IFT56: variants seen among roughly 807,000 people sequenced by gnomAD.
The protein encoded by IFT56 is intraflagellar transport 56, also known as intraflagellar transport protein 56.
chr7:139,133,852 G>C, the IFT56 span: 4 of 1,614,228 alleles, frequency 2.5e-6, no homozygotes, highest in Middle Eastern at 3.3e-4. Flanking sequence ...CAAGACCGAC[G>C]TCAAGATGGT....
At chr7:139,175,068 G>T in the IFT56 span, among the ~76,000 whole-genome samples, 1 of 151,896 alleles carries the variant, frequency 6.6e-6, no homozygotes, top group Non-Finnish European at 1.5e-5. Context: ...AATGACAAAT[G>T]GGTATATGAA....
At chr7:139,172,453 A>G in the IFT56 span, 1 of 386,588 alleles carries the variant, frequency 2.6e-6, no homozygotes, top group South Asian at 2.1e-5. Context: ...ATAGTTGTTC[A>G]TCTGGAACCC....
chr7:139,153,072 C>G, the IFT56 span, among the ~76,000 whole-genome samples: 4 of 151,704 alleles, frequency 2.6e-5, no homozygotes, highest in Non-Finnish European at 4.4e-5. Flanking sequence ...TCGCTTGAAC[C>G]CGGGAGGCGG....
At chr7:139,164,500 A>G in the IFT56 span, among the ~76,000 whole-genome samples, 6 of 152,350 alleles carry the variant, frequency 3.9e-5, no homozygotes, top group East Asian at 1.2e-3. Context: ...TCTCATAGTT[A>G]TAATTTTATT....
the IFT56 span, among the ~76,000 whole-genome samples, chr7:139,166,107 G>A: frequency 1.3e-5 from 2 of 152,004 alleles, no homozygotes; most frequent in African/African-American, 2.4e-5. Flanking sequence ...ACAGGCATGC[G>A]CCACCATGCC....
the IFT56 span, among the ~76,000 whole-genome samples, chr7:139,181,388 C>T: frequency 1.3e-5 from 2 of 152,188 alleles, no homozygotes; most frequent in Admixed American, 1.3e-4. Flanking sequence ...CAGAGATTTA[C>T]ATGTATATGA....
At chr7:139,189,328 CT>C in the IFT56 span, 11 of 1,605,014 alleles carry the variant, frequency 6.9e-6, no homozygotes, top group Non-Finnish European at 9.4e-6. Context: ...CAGAGAGACC[CT>C]TCGAGAAGTG....
At chr7:139,134,699 C>T in the IFT56 span, 17,614 of 1,613,880 alleles carry the variant, frequency 0.011, 606 homozygotes, top group East Asian at 0.091. Flanking sequence ...GCGTACAGCA[C>T]ACTGACAAAA....
chr7:139,182,281 A>T, the IFT56 span, among the ~76,000 whole-genome samples: 14 of 152,194 alleles, frequency 9.2e-5, no homozygotes, highest in Admixed American at 7.9e-4. Flanking sequence ...GTATTAAATT[A>T]ATCAACAAAA....
At chr7:139,162,628 C>G in the IFT56 span, among the ~76,000 whole-genome samples, 1 of 152,092 alleles carries the variant, frequency 6.6e-6, no homozygotes. Flanking sequence ...CTTAACATTG[C>G]TGAGTCTGTG....
the IFT56 span, among the ~76,000 whole-genome samples, chr7:139,181,642 G>A: frequency 6.6e-6 from 1 of 152,168 alleles, no homozygotes; most frequent in Non-Finnish European, 1.5e-5. Context: ...ACAAACATCA[G>A]AGTGTACTTA....
chr7:139,189,421 G>A, the IFT56 span: 2 of 1,611,570 alleles, frequency 1.2e-6, no homozygotes, highest in Non-Finnish European at 1.7e-6. Context: ...AGAAAACAGA[G>A]TGTCCATCTA....
Sources: gnomAD v4.1 joint callset for allele counts (sites outside exome capture counted in the v4.1 genomes callset) on GRCh38, gnomAD v4.1.1 for gene constraint, MANE v1.5 for transcripts, NCBI Gene and HGNC (gene_info 2026-07-23, HGNC 2026-07-21) for gene names.